PRKCE: variants seen among roughly 807,000 people sequenced by gnomAD.
PRKCE encodes protein kinase C epsilon type.
Under a neutral mutation model 85.4 loss-of-function variants are expected in PRKCE, and 16 were observed. The ratio of observed to expected loss-of-function variants is 0.19; its 90% CI spans 0.13 to 0.28. PRKCE has a LOEUF of 0.28. Ranked by LOEUF, PRKCE falls within the 10% of genes least tolerant of loss-of-function variation. The pLI is 1.00. For missense variants in PRKCE, 573 were observed against 975.2 expected, an observed-to-expected ratio of 0.59 and a Z score of 5.49; for synonymous variants, 388 against 371.5, an observed-to-expected ratio of 1.04 and a Z score of -0.51.
At chr2:45,724,017 A>C (rs1680849727) in intron 1 of PRKCE, among the ~76,000 whole-genome samples, 1 of 152,192 alleles carries the variant, frequency 6.6e-6, no homozygotes, top group African/African-American at 2.4e-5. Context: ...TAGAACCTCC[A>C]CTTTTCACTT....
intron 1 of PRKCE, among the ~76,000 whole-genome samples, chr2:45,829,867 A>T (rs1690258761): frequency 6.6e-6 from 1 of 151,800 alleles, no homozygotes; most frequent in Non-Finnish European, 1.5e-5. Flanking sequence ...AGGTCAGGAG[A>T]TCGAGACCAT....
chr2:45,817,788 G>A (rs1394070134), intron 1 of PRKCE, among the ~76,000 whole-genome samples: 1 of 152,218 alleles, frequency 6.6e-6, no homozygotes, highest in Non-Finnish European at 1.5e-5. Context: ...CTATAGATGG[G>A]TGACAATGAA....
intron 14 of PRKCE, among the ~76,000 whole-genome samples, chr2:46,175,133 G>T (rs1574670586): frequency 6.6e-6 from 1 of 151,980 alleles, no homozygotes; most frequent in African/African-American, 2.4e-5. Context: ...TATATATAAA[G>T]TTTACTATGA....
At chr2:45,742,726 A>G (rs1682682303) in intron 1 of PRKCE, among the ~76,000 whole-genome samples, 1 of 152,246 alleles carries the variant, frequency 6.6e-6, no homozygotes. Context: ...TATGAAAGAC[A>G]GTATGGAGGT....
chr2:46,077,154 GTC>G (rs1668628386), intron 10 of PRKCE, among the ~76,000 whole-genome samples: 1 of 136,658 alleles, frequency 7.3e-6, no homozygotes, highest in East Asian at 2.1e-4. Context: ...TTTTCTCTCT[GTC>G]TCTTTCTCGT....
At chr2:46,089,117 C>A (rs1358899485) in intron 11 of PRKCE, among the ~76,000 whole-genome samples, 1 of 152,154 alleles carries the variant, frequency 6.6e-6, no homozygotes, top group African/African-American at 2.4e-5. Context: ...TCCCATTGTC[C>A]TAACCATTCT....
At chr2:46,056,368 C>T (rs2105093431) in intron 10 of PRKCE, among the ~76,000 whole-genome samples, 1 of 152,190 alleles carries the variant, frequency 6.6e-6, no homozygotes, top group Admixed American at 6.5e-5. Flanking sequence ...ACCTCAGTAC[C>T]TCTGGCCCGT....
In PRKCE at chr2:45,663,657, C is replaced by A. The variant is rs564999990; in HGVS notation, c.348+11209C>A. Among the ~76,000 whole-genome samples, 5 of 152,290 alleles carry A rather than the reference C, an allele frequency of 3.3e-5. No homozygotes were observed. In the South Asian group the frequency reaches 1.0e-3, roughly 32 times the overall value. Reference sequence around the variant, plus strand: ...AATTAGCCAGGCGTGGTGGCAGGCACCTGTAGTTCCAGCTACTTGGGAGGC... The same window carrying A: ...AATTAGCCAGGCGTGGTGGCAGGCAACTGTAGTTCCAGCTACTTGGGAGGC... On this transcript the variant is annotated intron_variant, in intron 1 of 14. Coordinates refer to ENST00000306156, the MANE Select transcript of PRKCE (RefSeq NM_005400.3).
intron 2 of PRKCE, among the ~76,000 whole-genome samples, chr2:45,890,246 GT>G (rs1695622062): frequency 6.6e-6 from 1 of 152,168 alleles, no homozygotes; most frequent in South Asian, 2.1e-4. Flanking sequence ...TCCTAGCTTA[GT>G]TATTACCCAT....
chr2:45,728,966 G>A (rs1201246152), intron 1 of PRKCE, among the ~76,000 whole-genome samples: 2 of 152,178 alleles, frequency 1.3e-5, no homozygotes, highest in African/African-American at 4.8e-5. Context: ...GTGCTGCACT[G>A]TGTTTGCCAA....
At chr2:45,869,041 G>A (rs1473157540) in intron 2 of PRKCE, among the ~76,000 whole-genome samples, 9 of 152,010 alleles carry the variant, frequency 5.9e-5, no homozygotes, top group African/African-American at 1.2e-4. Flanking sequence ...TTTAAGCTGC[G>A]TGGTCAGGCA....
chr2:45,743,827 T>G lies in PRKCE; in HGVS notation c.348+91379T>G, dbSNP rs187341424. On this transcript the variant is annotated intron_variant, in intron 1 of 14. Coordinates refer to ENST00000306156, the MANE Select transcript of PRKCE (RefSeq NM_005400.3). Reference sequence around the variant, plus strand: ...ATTCCGGCTCTGGTTCCTACAGATGTTCTGTTGGCTCTTGGGCCCTAGAAA... The same window carrying G: ...ATTCCGGCTCTGGTTCCTACAGATGGTCTGTTGGCTCTTGGGCCCTAGAAA... 5.5e-4 allele frequency among the ~76,000 whole-genome samples: 84 copies of G among 152,254 alleles called. 1 individual carries two copies. The highest frequency in any genetic ancestry group is 2.0e-3 in the African/African-American group (82 of 41,544).
At chr2:46,135,607 T>A (rs1674893600) in intron 11 of PRKCE, among the ~76,000 whole-genome samples, 2 of 152,110 alleles carry the variant, frequency 1.3e-5, no homozygotes, top group South Asian at 4.1e-4. Flanking sequence ...CCTAAATGAT[T>A]GAATTTTCCT....
At chr2:46,075,324 C>G (rs567121906) in intron 10 of PRKCE, among the ~76,000 whole-genome samples, 1 of 152,224 alleles carries the variant, frequency 6.6e-6, no homozygotes, top group African/African-American at 2.4e-5. Context: ...GCGTGAGCCA[C>G]CGTGCCCGGC....
intron 1 of PRKCE, among the ~76,000 whole-genome samples, chr2:45,767,933 A>C (rs1471830284): frequency 6.6e-6 from 1 of 152,242 alleles, no homozygotes; most frequent in African/African-American, 2.4e-5. Context: ...AAAATACCTC[A>C]AAGAGCAAAA....
intron 2 of PRKCE, among the ~76,000 whole-genome samples, chr2:45,882,750 G>C (rs1483698928): frequency 6.6e-6 from 1 of 152,224 alleles, no homozygotes; most frequent in Non-Finnish European, 1.5e-5. Context: ...CTTAAGAGCT[G>C]GAATCTGATT....
At chr2:45,949,067 G>A (rs999333333) in intron 2 of PRKCE, among the ~76,000 whole-genome samples, 12 of 152,140 alleles carry the variant, frequency 7.9e-5, no homozygotes, top group African/African-American at 2.9e-4. Context: ...AGTGAACATC[G>A]TTGCATGTGT....
chr2:46,133,962 A>G (rs902542298), intron 11 of PRKCE, among the ~76,000 whole-genome samples: 4 of 152,174 alleles, frequency 2.6e-5, no homozygotes, highest in African/African-American at 9.7e-5. Context: ...AAAGGCAGAG[A>G]CCTCACAACA....
chr2:46,185,359 T>C lies in PRKCE; in HGVS notation c.*478T>C, dbSNP rs1680377754. On this transcript the variant is annotated 3_prime_UTR_variant, in exon 15 of 15. Transcript: ENST00000306156. The surrounding 1 kb of genome is among the most constrained non-coding windows in gnomAD (Gnocchi z 4.7). The stretch of plus-strand genomic sequence containing the variant: ...GTCCTGGAGAAGAGACTGGTGCTTC[T>C]CCGCACACACGAGGGAGGGCGCCCT... 1.3e-5 allele frequency: 2 copies of C among 155,206 alleles called. No individual in the cohort carries two copies. The allele number at this position is 155,206 out of a possible 1,614,324, so 9.6% of individuals were successfully genotyped here. A position where few individuals can be genotyped will look rare whatever the true frequency, so the allele number is the denominator to read the frequency against.
Sources: allele counts gnomAD v4.1 joint callset (sites outside exome capture counted in the v4.1 genomes callset), GRCh38; gene constraint gnomAD v4.1.1; non-coding constraint Gnocchi (gnomAD v3.1); transcripts MANE v1.5; gene names NCBI Gene and HGNC (gene_info 2026-07-23, HGNC 2026-07-21).